Variants in CNTNAP2 observed in about 807,000 individuals in gnomAD.
The protein encoded by CNTNAP2 is contactin associated protein 2, also known as contactin-associated protein-like 2.
A neutral mutation model predicts 155.2 loss-of-function variants in CNTNAP2; 98 were observed. The ratio of observed to expected loss-of-function variants is 0.63; its 90% confidence interval spans 0.54 to 0.75. The LOEUF (loss-of-function observed/expected upper bound fraction) is 0.75. Among genes scored for constraint, CNTNAP2 ranks in the 30% least tolerant of loss-of-function variants. The pLI, the probability that CNTNAP2 is intolerant of heterozygous loss-of-function variation, is 0.00. For missense variants in CNTNAP2, 1,727 were observed against 1,688.1 expected (o/e 1.02, Z -0.40); for synonymous variants, 651 against 631.2 (o/e 1.03, Z -0.47).
At chr7:146,837,668 T>A (rs1803644488) in intron 2 of CNTNAP2, among the ~76,000 whole-genome samples, 1 of 152,178 alleles carries the variant, frequency 6.6e-6, no homozygotes, top group Admixed American at 6.5e-5. Context: ...AGTTTCTAAA[T>A]GTTTATGACT....
intron 1 of CNTNAP2, among the ~76,000 whole-genome samples, chr7:146,681,543 G>A (rs1800504140): frequency 1.2e-5 from 1 of 86,490 alleles, no homozygotes; most frequent in Non-Finnish European, 2.3e-5. Flanking sequence ...TGGTGGGGGA[G>A]GGAGATGGGA....
chr7:148,400,720 G>T (rs747243296), intron 22 of CNTNAP2, among the ~76,000 whole-genome samples: 1 of 152,122 alleles, frequency 6.6e-6, no homozygotes, highest in Non-Finnish European at 1.5e-5. Flanking sequence ...AGTGGCTCAC[G>T]CCTGTAATCC....
At chr7:146,623,513 T>C (rs377651323) in intron 1 of CNTNAP2, among the ~76,000 whole-genome samples, 1 of 152,190 alleles carries the variant, frequency 6.6e-6, no homozygotes, top group Non-Finnish European at 1.5e-5. Context: ...ATAAATATAA[T>C]GATAAAATAC....
intron 8 of CNTNAP2, among the ~76,000 whole-genome samples, chr7:147,281,468 T>C (rs1366587277): frequency 1.3e-5 from 2 of 151,824 alleles, no homozygotes; most frequent in Middle Eastern, 3.2e-3. Flanking sequence ...TATTGAATAA[T>C]TGAATGAAAG....
At chr7:146,910,923 A>G (rs971842713) in intron 3 of CNTNAP2, among the ~76,000 whole-genome samples, 26 of 151,196 alleles carry the variant, frequency 1.7e-4, no homozygotes, top group Non-Finnish European at 2.4e-4. Flanking sequence ...AAGAGCTAAT[A>G]TCCAGAATCT....
At chr7:147,331,789 T>C (rs1795575525) in intron 9 of CNTNAP2, among the ~76,000 whole-genome samples, 1 of 152,186 alleles carries the variant, frequency 6.6e-6, no homozygotes, top group Non-Finnish European at 1.5e-5. Flanking sequence ...CCAGACCTTG[T>C]TCACTTCTTG....
chr7:147,563,297 A>G (rs1800100175), intron 12 of CNTNAP2, among the ~76,000 whole-genome samples: 2 of 152,148 alleles, frequency 1.3e-5, no homozygotes, highest in Non-Finnish European at 2.9e-5. Context: ...AATAAAAGTT[A>G]TTGGATGAAA....
chr7:146,126,499 A>C (rs552204735), intron 1 of CNTNAP2, among the ~76,000 whole-genome samples: 1 of 152,198 alleles, frequency 6.6e-6, no homozygotes. Flanking sequence ...TCATTTGAGT[A>C]CTATTGAAAT....
At chr7:147,962,740 AT>A (rs1801135666) in intron 14 of CNTNAP2, among the ~76,000 whole-genome samples, 1 of 152,170 alleles carries the variant, frequency 6.6e-6, no homozygotes, top group Non-Finnish European at 1.5e-5. Flanking sequence ...GTGCTAAGTA[AT>A]GTATAGTCCA....
At chr7:146,736,018 C>T (rs1488936080) in intron 1 of CNTNAP2, among the ~76,000 whole-genome samples, 1 of 151,840 alleles carries the variant, frequency 6.6e-6, no homozygotes, top group Admixed American at 6.6e-5. Context: ...CTTTGTACAC[C>T]CTAAATGTGT....
intron 20 of CNTNAP2, among the ~76,000 whole-genome samples, chr7:148,234,438 T>A (rs1796014331): frequency 6.6e-6 from 1 of 152,246 alleles, no homozygotes; most frequent in African/African-American, 2.4e-5. Context: ...CATTGAAACA[T>A]TACAAATTTC....
At chr7:147,784,493 TAATATATA>T (rs1797705048) in intron 13 of CNTNAP2, among the ~76,000 whole-genome samples, 2 of 48,098 alleles carry the variant, frequency 4.2e-5, no homozygotes, top group African/African-American at 1.4e-4. Flanking sequence ...GGCTCTGGAC[TAATATATA>T]TATATATATA....
rs150633401 is a variant in CNTNAP2 at position 148,229,402 on chromosome 7, G to A, written c.3248-244G>A. Among the ~76,000 whole-genome samples, 1,475 of 152,240 alleles carry A rather than the reference G, an allele frequency of 9.7e-3. 21 individuals carry two copies. Among genetic ancestry groups the A allele is most frequent in the Middle Eastern group, 0.031 (9 of 294 alleles). On this transcript the variant is annotated intron_variant, in intron 19 of 23. Coordinates refer to ENST00000361727, the MANE Select transcript of CNTNAP2 (RefSeq NM_014141.6). The stretch of plus-strand genomic sequence containing the variant: ...TAGCCAGGCGTGGTGGCAGGTGCCT[G>A]TAATGCCAGCTACTCAGGAAGCTGA...
chr7:147,426,472 C>A (rs1334378999), intron 10 of CNTNAP2, among the ~76,000 whole-genome samples: 2 of 152,086 alleles, frequency 1.3e-5, no homozygotes, highest in East Asian at 3.9e-4. Context: ...AGCTGGCAGT[C>A]AAAATGTTTA....
chr7:148,273,630 C>A (rs1007713384), intron 21 of CNTNAP2, among the ~76,000 whole-genome samples: 5 of 152,276 alleles, frequency 3.3e-5, no homozygotes, highest in African/African-American at 1.2e-4. Context: ...AGAAGCTGTG[C>A]TTAGAAAGAA....
At chr7:146,366,593 A>C (rs1207571296) in intron 1 of CNTNAP2, among the ~76,000 whole-genome samples, 1 of 152,124 alleles carries the variant, frequency 6.6e-6, no homozygotes, top group Non-Finnish European at 1.5e-5. Flanking sequence ...AAAGGGATTT[A>C]GGATATGTGG....
rs115522941 is a variant in CNTNAP2, at chr7:148,130,112, C to G, written c.2554+11824C>G. 2.2e-3 allele frequency among the ~76,000 whole-genome samples: 337 copies of G among 152,322 alleles called. 1 individual carries two copies. Among genetic ancestry groups the G allele is most frequent in the African/African-American group, 7.9e-3 (328 of 41,568 alleles). On this transcript the variant is annotated intron_variant, in intron 16 of 23. Coordinates refer to ENST00000361727, the MANE Select transcript of CNTNAP2 (RefSeq NM_014141.6). The stretch of plus-strand genomic sequence containing the variant: ...AATCCATCATTTTCACTCAAAAGCC[C>G]CCTTCTGTGCTCCCACTTAGTTAAT...
At chr7:146,245,378 G>C (rs1156811917) in intron 1 of CNTNAP2, among the ~76,000 whole-genome samples, 1 of 152,260 alleles carries the variant, frequency 6.6e-6, no homozygotes, top group Admixed American at 6.5e-5. Flanking sequence ...GAAGAAAATA[G>C]ATTTTGGAAG....
At chr7:146,632,951 AAAT>A (rs1799534247) in intron 1 of CNTNAP2, among the ~76,000 whole-genome samples, 2 of 151,894 alleles carry the variant, frequency 1.3e-5, no homozygotes, top group Admixed American at 1.3e-4. Context: ...GCAAAAAAAA[AAAT>A]ACAAAATATC....
Sources: gnomAD v4.1 joint callset for allele counts (sites outside exome capture counted in the v4.1 genomes callset) on GRCh38, gnomAD v4.1.1 for gene constraint, MANE v1.5 for transcripts, NCBI Gene and HGNC (gene_info 2026-07-23, HGNC 2026-07-21) for gene names.